TBC1D22A: variants seen among roughly 807,000 people sequenced by gnomAD.
TBC1D22A encodes TBC1 domain family member 22A.
A neutral mutation model predicts 60.2 loss-of-function variants in TBC1D22A; 38 were observed. The observed-to-expected ratio is 0.63, with a 90% CI of 0.49 to 0.83. The LOEUF (loss-of-function observed/expected upper bound fraction) is 0.83. Among genes scored for constraint, TBC1D22A ranks in the 40% least tolerant of loss-of-function variants. The pLI, the probability that TBC1D22A is intolerant of heterozygous loss-of-function variation, is 0.00. For synonymous variants in TBC1D22A, 302 were observed against 281.7 expected (o/e 1.07, Z -0.72); for missense variants, 628 against 701.0 (o/e 0.90, Z 1.18).
At chr22:47,078,174 G>T (rs774444881) in intron 11 of TBC1D22A, among the ~76,000 whole-genome samples, 3 of 152,160 alleles carry the variant, frequency 2.0e-5, no homozygotes, top group Non-Finnish European at 4.4e-5. Flanking sequence ...TTGTGGATGA[G>T]CAGGCTATCA....
At position 46,777,401 on chromosome 22, in the gene TBC1D22A, C is replaced by T. The variant is rs973269198; in HGVS notation, c.62+14553C>T. On this transcript the variant is annotated intron_variant, in intron 1 of 12. Coordinates refer to ENST00000337137, the MANE Select transcript of TBC1D22A (RefSeq NM_014346.5). This position sits in a 1 kb window ranked among gnomAD's most constrained non-coding sequence, Gnocchi z 4.5. ...CCGAAGAGTGGGTGTGAGGAGTGGCCGGTGGGGCACAGCTGATTTTTTGGG... is the reference window on the plus strand; with the variant it reads ...CCGAAGAGTGGGTGTGAGGAGTGGCTGGTGGGGCACAGCTGATTTTTTGGG... Among the ~76,000 whole-genome samples, 12 of 151,940 alleles carry T rather than the reference C, an allele frequency of 7.9e-5. No homozygotes were observed. The highest frequency in any genetic ancestry group is 5.8e-4 in the East Asian group (3 of 5,178).
intron 11 of TBC1D22A, among the ~76,000 whole-genome samples, chr22:47,048,026 G>A (rs901187623): frequency 6.6e-6 from 1 of 152,184 alleles, no homozygotes; most frequent in Non-Finnish European, 1.5e-5. Flanking sequence ...TAAATGAAAG[G>A]AACAAGAAAA....
At position 46,992,644 on chromosome 22, in the gene TBC1D22A, A is replaced by G. The variant is rs527855342; in HGVS notation, c.1126-4990A>G. ...AGGACTTGATTTTCTGGCACGTAGG[A>G]GGCTTTCAGAGTTGAACAGATGAAA... On this transcript the variant is annotated intron_variant, in intron 9 of 12. Coordinates refer to ENST00000337137, the MANE Select transcript of TBC1D22A (RefSeq NM_014346.5). Among the ~76,000 whole-genome samples, 4 of 152,358 alleles carry G rather than the reference A, an allele frequency of 2.6e-5. No individual in the cohort carries two copies. In the East Asian group the frequency reaches 7.7e-4, roughly 29 times the overall value.
rs756898024 is a variant in TBC1D22A at position 46,878,741 on chromosome 22, G to A, written c.708+18G>A. 7 of 1,611,010 alleles carry A rather than the reference G, an allele frequency of 4.3e-6. No individual in the cohort carries two copies. Among genetic ancestry groups the A allele is most frequent in the African/African-American group, 2.7e-5 (2 of 74,880 alleles). ...TCCTCTCAGTAAGTCCCACCGCACC[G>A]CCCATCAGCGCCTCCTTCCTGTGCA... On this transcript the variant is annotated intron_variant, in intron 5 of 12. Coordinates refer to ENST00000337137, the MANE Select transcript of TBC1D22A (RefSeq NM_014346.5).
chr22:46,950,863 C>T (rs1421552456), intron 8 of TBC1D22A, among the ~76,000 whole-genome samples: 1 of 152,204 alleles, frequency 6.6e-6, no homozygotes, highest in Non-Finnish European at 1.5e-5. Flanking sequence ...TGTTATTTTT[C>T]TCCAGTTTAC....
chr22:47,125,794 G>A (rs1184818527), intron 12 of TBC1D22A, among the ~76,000 whole-genome samples: 1 of 152,200 alleles, frequency 6.6e-6, no homozygotes, highest in Non-Finnish European at 1.5e-5. Flanking sequence ...GCTGTGGAGA[G>A]GGACCCGCAT....
At chr22:46,989,777 A>ACACACG (rs1378265878) in intron 9 of TBC1D22A, among the ~76,000 whole-genome samples, 1 of 151,734 alleles carries the variant, frequency 6.6e-6, no homozygotes, top group East Asian at 1.9e-4. Context: ...ACACACACAC[A>ACACACG]CACACACACA....
In TBC1D22A at chr22:47,170,897, A is replaced by G. The variant is rs75894661; in HGVS notation, c.1426-2601A>G. Among the ~76,000 whole-genome samples, 35 of 19,248 alleles carry G rather than the reference A, an allele frequency of 1.8e-3. 8 individuals carry two copies. Among genetic ancestry groups the G allele is most frequent in the South Asian group, 5.6e-3 (8 of 1,438 alleles). The allele number at this position is 19,248 out of a possible 152,430, so 12.6% of individuals were successfully genotyped here. On this transcript the variant is annotated intron_variant, in intron 12 of 12. Transcript: ENST00000337137. Reference sequence around the variant, plus strand: ...TGGTGTGTAACCCTCCTGATGCAGGACCGGAGAGAGGGCAGTCCTGGTGTG... The same window carrying G: ...TGGTGTGTAACCCTCCTGATGCAGGGCCGGAGAGAGGGCAGTCCTGGTGTG...
intron 11 of TBC1D22A, among the ~76,000 whole-genome samples, chr22:47,098,360 C>A (rs968797315): frequency 2.0e-5 from 3 of 152,200 alleles, no homozygotes; most frequent in African/African-American, 7.2e-5. Context: ...GATGGGGCAG[C>A]ATGGGGCGTG....
intron 11 of TBC1D22A, among the ~76,000 whole-genome samples, chr22:47,061,027 C>T (rs1408400566): frequency 1.3e-5 from 2 of 152,170 alleles, no homozygotes; most frequent in Non-Finnish European, 2.9e-5. Flanking sequence ...CATGCGACCT[C>T]CTGGAAAGGT....
chr22:47,175,097 G>A lies in TBC1D22A; in HGVS notation c.*1471G>A, dbSNP rs1052355614. ...CCTAGGACACTGCCAGAGACTGTGG[G>A]ACATACAGGCATAAGTGATGTGTGT... On this transcript the variant is annotated 3_prime_UTR_variant, in exon 13 of 13. Transcript: ENST00000337137. 3 of 152,274 alleles carry A rather than the reference G, an allele frequency of 2.0e-5. No individual in the cohort carries two copies. The highest frequency in any genetic ancestry group is 2.9e-5 in the Non-Finnish European group (2 of 68,064). 9.4% of individuals were successfully genotyped at this position (152,274 alleles called of 1,614,324 possible). A position where few individuals can be genotyped will look rare whatever the true frequency, so the allele number is the denominator to read the frequency against.
At chr22:47,086,157 C>T (rs745634265) in intron 11 of TBC1D22A, among the ~76,000 whole-genome samples, 4 of 152,254 alleles carry the variant, frequency 2.6e-5, no homozygotes, top group Middle Eastern at 3.4e-3. Context: ...CATTTTCTAC[C>T]GTAAATTAAA....
At chr22:47,055,897 G>A (rs569442791) in intron 11 of TBC1D22A, among the ~76,000 whole-genome samples, 3 of 134,760 alleles carry the variant, frequency 2.2e-5, no homozygotes, top group Admixed American at 7.9e-5. Context: ...CTGAGGGTCG[G>A]TGAGATACGC....
chr22:46,874,922 G>T (rs1396975185), intron 4 of TBC1D22A, among the ~76,000 whole-genome samples: 1 of 152,082 alleles, frequency 6.6e-6, no homozygotes, highest in Non-Finnish European at 1.5e-5. Context: ...TAATGGGGTT[G>T]TTTTTTTCTT....
At chr22:46,912,759 G>A (rs950406761) in intron 8 of TBC1D22A, among the ~76,000 whole-genome samples, 1 of 152,170 alleles carries the variant, frequency 6.6e-6, no homozygotes, top group Non-Finnish European at 1.5e-5. Context: ...CTTTCACCAT[G>A]TTGGCCAGGG....
chr22:47,163,667 T>C (rs1319754317), intron 12 of TBC1D22A, among the ~76,000 whole-genome samples: 1 of 152,154 alleles, frequency 6.6e-6, no homozygotes, highest in Non-Finnish European at 1.5e-5. Context: ...CACAGGCCTC[T>C]GTGCAGGAGC....
At chr22:46,887,037 A>T (rs2068154289) in intron 5 of TBC1D22A, among the ~76,000 whole-genome samples, 1 of 152,238 alleles carries the variant, frequency 6.6e-6, no homozygotes, top group South Asian at 2.1e-4. Context: ...ACTTCTCTTC[A>T]TCAAAGACGT....
At chr22:47,035,771 G>C (rs923465704) in intron 10 of TBC1D22A, among the ~76,000 whole-genome samples, 11 of 152,124 alleles carry the variant, frequency 7.2e-5, no homozygotes, top group African/African-American at 2.7e-4. Context: ...ACCAGCCCCT[G>C]TCCTTAGGTG....
At chr22:46,796,828 T>A (rs1023996473) in intron 3 of TBC1D22A, among the ~76,000 whole-genome samples, 1 of 152,180 alleles carries the variant, frequency 6.6e-6, no homozygotes, top group African/African-American at 2.4e-5. Context: ...CTCACCTGTC[T>A]GGCTTCCTTT....
Sources: allele counts gnomAD v4.1 joint callset (sites outside exome capture counted in the v4.1 genomes callset), GRCh38; gene constraint gnomAD v4.1.1; non-coding constraint Gnocchi (gnomAD v3.1); transcripts MANE v1.5; gene names NCBI Gene and HGNC (gene_info 2026-07-23, HGNC 2026-07-21).